The following PLEKHG1 variants were observed in gnomAD, a reference collection of about 807,000 sequenced individuals.
The protein encoded by PLEKHG1 is pleckstrin homology and RhoGEF domain containing G1.
In PLEKHG1, 44 loss-of-function variants were observed where a neutral mutation model predicts 100.8. That is an observed-to-expected ratio of 0.44 (90% CI 0.34 to 0.56). The LOEUF is 0.56. PLEKHG1 is among the 20% of genes least tolerant of loss of function. The pLI, the probability that PLEKHG1 is intolerant of heterozygous loss-of-function variation, is 0.01. For synonymous variants in PLEKHG1, 640 were observed against 662.5 expected (o/e 0.97, Z 0.52); for missense variants, 1,545 against 1,720.9 (o/e 0.90, Z 1.81).
At chr6:150,733,366 T>A (rs1373792954) in intron 1 of PLEKHG1, among the ~76,000 whole-genome samples, 1 of 152,132 alleles carries the variant, frequency 6.6e-6, no homozygotes, top group East Asian at 1.9e-4. Flanking sequence ...CAGGTCGAGG[T>A]CAGAGCCCGA....
At chr6:150,733,382 C>T (rs116188172) in intron 1 of PLEKHG1, among the ~76,000 whole-genome samples, 2,469 of 152,202 alleles carry the variant, frequency 0.016, 84 homozygotes, top group African/African-American at 0.056. Context: ...CCCGAGACAC[C>T]ACATTTCTAA....
intron 3 of PLEKHG1, among the ~76,000 whole-genome samples, chr6:150,655,437 G>A (rs903384475): frequency 3.9e-5 from 6 of 152,266 alleles, no homozygotes; most frequent in African/African-American, 9.6e-5. Context: ...GGCCAGGTGC[G>A]GTGGCTCACG....
intron 3 of PLEKHG1, 145 bp from the exon 5 acceptor site, chr6:150,786,245 G>T (rs904634246): frequency 3.2e-6 from 2 of 633,890 alleles, no homozygotes; most frequent in African/African-American, 3.7e-5. Flanking sequence ...CCTAAGCCTT[G>T]GATACAATGA....
chr6:150,768,833 C>T lies in PLEKHG1; in HGVS notation c.512+95C>T. ...AAGAAACTTTACCTGTAACCCCTGA[C>T]TCAGCTTCATATATTTTTGTGGGCT... On this transcript the variant is annotated intron_variant, in intron 3 of 15. Transcript: ENST00000358517. 4.2e-6 allele frequency: 3 copies of T among 714,876 alleles called. No individual in the cohort carries two copies. In the South Asian group the frequency reaches 5.1e-5, roughly 12 times the overall value. 44.3% of individuals were successfully genotyped at this position (714,876 alleles called of 1,614,324 possible).
chr6:150,637,378 G>A (rs1289462821), intron 1 of PLEKHG1, among the ~76,000 whole-genome samples: 2 of 150,052 alleles, frequency 1.3e-5, no homozygotes, highest in African/African-American at 4.9e-5. Flanking sequence ...TTGTTTGTTT[G>A]TTTGTTTTTG....
intron 1 of PLEKHG1, among the ~76,000 whole-genome samples, chr6:150,611,736 C>A (rs958339838): frequency 6.7e-6 from 1 of 149,132 alleles, no homozygotes; most frequent in Non-Finnish European, 1.5e-5. Context: ...CGCTTCAACT[C>A]GGTAGGCGGA....
At chr6:150,691,782 T>C (rs577232375) in intron 3 of PLEKHG1, among the ~76,000 whole-genome samples, 134 of 152,356 alleles carry the variant, frequency 8.8e-4, no homozygotes, top group African/African-American at 3.1e-3. Context: ...GCCAACTTTC[T>C]TTTTCAACAA....
chr6:150,702,389 G>C (rs1780825843), intron 3 of PLEKHG1, among the ~76,000 whole-genome samples: 2 of 152,070 alleles, frequency 1.3e-5, no homozygotes, highest in African/African-American at 2.4e-5. Context: ...AGAATCGCTT[G>C]AACCCCAGAG....
At chr6:150,713,362 T>C (rs1562454721) in intron 3 of PLEKHG1, among the ~76,000 whole-genome samples, 2 of 152,148 alleles carry the variant, frequency 1.3e-5, no homozygotes, top group African/African-American at 2.4e-5. Context: ...GAATCTATAT[T>C]TGGCCTTTAT....
At chr6:150,801,836 C>T (rs1486858001) in intron 6 of PLEKHG1, among the ~76,000 whole-genome samples, 1 of 146,344 alleles carries the variant, frequency 6.8e-6, no homozygotes, top group Non-Finnish European at 1.5e-5. Context: ...GGCTTGCTTA[C>T]TTTTGTAGCA....
chr6:150,828,414 T>C (rs1776735417), intron 14 of PLEKHG1: 7 of 1,552,228 alleles, frequency 4.5e-6, no homozygotes, highest in Non-Finnish European at 6.1e-6. Flanking sequence ...TGCCGAACTT[T>C]CTTGTGACAA....
intron 2 of PLEKHG1, among the ~76,000 whole-genome samples, chr6:150,641,876 C>CAAAAGAA (rs1778277145): frequency 1.3e-5 from 1 of 76,798 alleles, no homozygotes; most frequent in African/African-American, 5.3e-5. Flanking sequence ...TGTGAAAAGG[C>CAAAAGAA]AAAAAAAAAA....
exon 4 of PLEKHG1, chr6:150,786,445 T>A: frequency 6.2e-7 from 1 of 1,611,494 alleles, no homozygotes; most frequent in African/African-American, 1.3e-5. Context: ...CATAGCAGAG[T>A]GTTTTGTGTC....
intron 3 of PLEKHG1, among the ~76,000 whole-genome samples, chr6:150,680,683 G>A (rs113022462): frequency 2.0e-5 from 3 of 152,194 alleles, no homozygotes; most frequent in Admixed American, 2.0e-4. Context: ...GATGTTATAC[G>A]CAGAAGAGAC....
intron 10 of PLEKHG1, among the ~76,000 whole-genome samples, chr6:150,812,349 G>A (rs1348409266): frequency 6.6e-6 from 1 of 152,204 alleles, no homozygotes; most frequent in South Asian, 2.1e-4. Flanking sequence ...CAGCAAGCGG[G>A]TGGGGGGATT....
Position 150,831,366 on chromosome 6 carries a change from C to T in PLEKHG1, c.2255C>T (p.Ser752Leu), listed in dbSNP as rs753193997. 5.6e-6 allele frequency: 9 copies of T among 1,613,956 alleles called. No homozygotes were observed. In the East Asian group the frequency reaches 6.7e-5, roughly 12 times the overall value. ...ACCATAGGGCTCCCAGATCCTCCGT[C>T]GCTGGGTTTTAAGTGCAGCAGCCTA... Residue 752 changes from serine to leucine, a missense_variant, in exon 15 of 16, where the codon TCG becomes TTG. Ser to Leu is a moderately radical substitution (Grantham distance 145). Coordinates refer to ENST00000358517, the Ensembl canonical transcript of PLEKHG1. The surrounding 1 kb of genome is among the most constrained non-coding windows in gnomAD (Gnocchi z 4.1).
rs926624 is a variant in PLEKHG1, at chr6:150,831,121, A to G, written c.2010A>G (p.Lys670=). Residue 670 remains lysine, a synonymous_variant, in exon 15 of 16, where the codon AAA becomes AAG. Transcript: ENST00000358517. The surrounding 1 kb of genome is among the most constrained non-coding windows in gnomAD (Gnocchi z 4.1). The stretch of plus-strand genomic sequence containing the variant: ...ATAACATCAGTTATGAGGACTTAAA[A>G]CTAATGGTTGCTAAGCGGGAAGAAG... 478,118 of 1,613,278 alleles carry G rather than the reference A, an allele frequency of 0.3. 73,514 individuals carry two copies. Among genetic ancestry groups the G allele is most frequent in the East Asian group, 0.42 (19,057 of 44,856 alleles).
chr6:150,645,562 A>C (rs891448664), intron 2 of PLEKHG1, among the ~76,000 whole-genome samples: 15 of 152,244 alleles, frequency 9.9e-5, no homozygotes, highest in African/African-American at 3.6e-4. Flanking sequence ...ATTCATAAGC[A>C]GAAGACAATT....
intron 14 of PLEKHG1, among the ~76,000 whole-genome samples, chr6:150,828,755 CT>C (rs1776751199): frequency 6.6e-6 from 1 of 152,104 alleles, no homozygotes; most frequent in Non-Finnish European, 1.5e-5. Flanking sequence ...TTTTATTACA[CT>C]TTAAAAATGT....
Sources: gnomAD v4.1 joint callset for allele counts (sites outside exome capture counted in the v4.1 genomes callset) on GRCh38, gnomAD v4.1.1 for gene constraint, Gnocchi (gnomAD v3.1) non-coding constraint, MANE v1.5 for transcripts, NCBI Gene and HGNC (gene_info 2026-07-23, HGNC 2026-07-21) for gene names.